Variants in PMPCB observed in about 807,000 individuals in gnomAD.
The protein encoded by PMPCB is mitochondrial-processing peptidase subunit beta.
Under a neutral mutation model 61.5 loss-of-function variants are expected in PMPCB, and 46 were observed. The observed-to-expected ratio is 0.75, with a 90% CI of 0.59 to 0.96. The LOEUF (loss-of-function observed/expected upper bound fraction) is 0.96. PMPCB is among the 40% of genes least tolerant of loss of function. PMPCB has a pLI of 0.00. For synonymous variants in PMPCB, 191 were observed against 201.6 expected, an observed-to-expected ratio of 0.95 and a Z score of 0.44; for missense variants, 590 against 602.4, an observed-to-expected ratio of 0.98 and a Z score of 0.22.
Position 103,325,159 on chromosome 7 carries a change from C to T in PMPCB, c.*1432-3772C>T, listed in dbSNP as rs1053399273. On this transcript the variant is annotated intron_variant and NMD_transcript_variant, in intron 12 of 12. Transcript: ENST00000444457. ...CACCTCAGCACTGCTATAAAACAAACGTGGCCAGGCGCGGTGGCTCATGCC... is the reference window on the plus strand; with the variant it reads ...CACCTCAGCACTGCTATAAAACAAATGTGGCCAGGCGCGGTGGCTCATGCC... Among the ~76,000 whole-genome samples, 11 of 152,068 alleles carry T rather than the reference C, an allele frequency of 7.2e-5. No individual in the cohort carries two copies. The East Asian group carries it at 1.7e-3, about 24-fold the overall frequency.
chr7:103,329,199 G>A, exon 13 of PMPCB: 1 of 292,454 alleles, frequency 3.4e-6, no homozygotes, highest in South Asian at 3.0e-5. Context: ...CATCTACATA[G>A]CAGTTGACAT....
chr7:103,299,310 A>G (rs1817383484), intron 2 of PMPCB, 133 bp from the exon 3 acceptor site: 4 of 604,936 alleles, frequency 6.6e-6, no homozygotes, highest in East Asian at 2.8e-5. Flanking sequence ...GGAATGAACT[A>G]TCAATTCACT....
rs1376981065 is a variant in PMPCB, at chr7:103,307,666, A to G, written c.807A>G (p.Gly269=). The G allele has an allele frequency of 1.2e-6, 2 of 1,613,256 alleles. No individual in the cohort carries two copies. The highest frequency in any genetic ancestry group is 1.7e-6 in the Non-Finnish European group (2 of 1,179,170). The change falls in exon 7 of 13, where the codon GGA becomes GGG. Residue 269 remains glycine, a synonymous_variant. Coordinates refer to ENST00000249269, the MANE Select transcript of PMPCB (RefSeq NM_004279.3). ...HFGDSLCTHK[G]EIPALPPCKF... ...GTGACTCTTTATGCACACACAAAGGAGAAATACCAGCTCTGCCTCCCTGCA... is the reference window on the plus strand; with the variant it reads ...GTGACTCTTTATGCACACACAAAGGGGAAATACCAGCTCTGCCTCCCTGCA...
chr7:103,319,843 G>C, intron 12 of PMPCB: 14 of 1,613,724 alleles, frequency 8.7e-6, no homozygotes, highest in Non-Finnish European at 1.2e-5. Flanking sequence ...ATGATTCCAG[G>C]TCTAAAAGCA....
the PMPCB span, among the ~76,000 whole-genome samples, chr7:103,342,224 C>CT: frequency 2.6e-5 from 4 of 151,820 alleles, no homozygotes; most frequent in African/African-American, 4.8e-5. Flanking sequence ...TAAATCAGTA[C>CT]TTTTTTGGGG....
At position 103,311,908 on chromosome 7, in the gene PMPCB, T is replaced by C. The variant is rs1430428559; in HGVS notation, c.1329+12T>C. ...AAGCAAGAATTGATGTAAGTAGTCC[T>C]GAGTTACTATTGGGTCATGTGTAAA... On this transcript the variant is annotated intron_variant, in intron 11 of 12. Coordinates refer to ENST00000249269, the MANE Select transcript of PMPCB (RefSeq NM_004279.3). 2.6e-6 allele frequency: 4 copies of C among 1,563,974 alleles called. No individual in the cohort carries two copies. The highest frequency in any genetic ancestry group is 3.5e-6 in the Non-Finnish European group (4 of 1,137,752).
chr7:103,340,948 C>A, the PMPCB span, among the ~76,000 whole-genome samples: 2 of 152,202 alleles, frequency 1.3e-5, no homozygotes, highest in Non-Finnish European at 2.9e-5. Flanking sequence ...TTATCCTCAT[C>A]CCAGCATTGG....
At chr7:103,306,166 C>T (rs1194113733) in intron 6 of PMPCB, among the ~76,000 whole-genome samples, 1 of 152,158 alleles carries the variant, frequency 6.6e-6, no homozygotes, top group East Asian at 1.9e-4. Context: ...GGCTAATCAT[C>T]AGGATGTATA....
chr7:103,310,553 T>A, intron 9 of PMPCB, 78 bp downstream of exon 9: 1 of 1,114,986 alleles, frequency 9.0e-7, no homozygotes, highest in Non-Finnish European at 1.3e-6. Flanking sequence ...TACTTTATGG[T>A]GATTTATGGT....
chr7:103,302,669 A>G (rs1817480899), intron 4 of PMPCB, among the ~76,000 whole-genome samples: 2 of 152,246 alleles, frequency 1.3e-5, no homozygotes, highest in African/African-American at 2.4e-5. Context: ...GTATTTGAAC[A>G]TAATCAGTTC....
At chr7:103,333,785 G>C (rs568938193), downstream of PMPCB, among the ~76,000 whole-genome samples, 2 of 152,236 alleles carry the variant, frequency 1.3e-5, no homozygotes, top group South Asian at 2.1e-4. Flanking sequence ...CTCATGGTTT[G>C]AGATTCATCC....
chr7:103,323,793 T>C, intron 12 of PMPCB: 1 of 695,738 alleles, frequency 1.4e-6, no homozygotes, highest in Non-Finnish European at 2.1e-6. Flanking sequence ...AGGTCAAGTC[T>C]TTCTCCTTTT....
the PMPCB span, among the ~76,000 whole-genome samples, chr7:103,340,087 C>T: frequency 2.4e-4 from 36 of 152,242 alleles, no homozygotes; most frequent in African/African-American, 8.4e-4. Flanking sequence ...ATCTGCCCGC[C>T]TCAGCCTCCC....
intron 12 of PMPCB, chr7:103,326,775 G>A: frequency 7.7e-7 from 1 of 1,297,054 alleles, no homozygotes; most frequent in African/African-American, 1.5e-5. Context: ...AAACATAGAA[G>A]TCATTAATTT....
chr7:103,303,773 G>A (rs1244497582), intron 4 of PMPCB, 69 bp from the exon 5 acceptor site: 3 of 1,056,480 alleles, frequency 2.8e-6, no homozygotes, highest in Non-Finnish European at 4.1e-6. Flanking sequence ...TTCTGATTTT[G>A]GTTTAATAGA....
At chr7:103,321,058 TGTG>T (rs1304173071) in intron 12 of PMPCB, among the ~76,000 whole-genome samples, 2 of 149,272 alleles carry the variant, frequency 1.3e-5, no homozygotes, top group African/African-American at 5.0e-5. Flanking sequence ...ATTAGCTGGG[TGTG>T]GTGGTATGCA....
chr7:103,330,902 G>A (rs928167679), downstream of PMPCB, among the ~76,000 whole-genome samples: 3 of 151,606 alleles, frequency 2.0e-5, no homozygotes, highest in African/African-American at 7.3e-5. Context: ...CATGATACAA[G>A]TATCTGTACA....
rs781469983 is a variant in PMPCB, at chr7:103,303,901, C to T, written c.517C>T (p.Arg173Cys). Residue 173 changes from arginine (R) to cysteine (C), a missense_variant, in exon 5 of 13, where the codon CGT (arginine) becomes TGT (cysteine). Coordinates refer to ENST00000249269, the MANE Select transcript of PMPCB (RefSeq NM_004279.3). ...NSTLGEAEIERERGVILREMQ... is the reference protein window; with the variant it reads ...NSTLGEAEIECERGVILREMQ... ...CACATTGGGAGAAGCAGAGATTGAA[C>T]GTGAGCGTGGAGTAATCCTTAGAGA... 22 of 1,613,598 alleles carry T rather than the reference C, an allele frequency of 1.4e-5. No homozygotes were observed. The highest frequency in any genetic ancestry group is 4.4e-5 in the South Asian group (4 of 91,068).
At chr7:103,341,395 C>T in the PMPCB span, among the ~76,000 whole-genome samples, 5 of 152,196 alleles carry the variant, frequency 3.3e-5, no homozygotes, top group Non-Finnish European at 5.9e-5. Context: ...CACCATACCG[C>T]ATGTACCCTA....
Sources: allele counts gnomAD v4.1 joint callset (sites outside exome capture counted in the v4.1 genomes callset), GRCh38; gene constraint gnomAD v4.1.1; transcripts MANE v1.5; gene names NCBI Gene and HGNC (gene_info 2026-07-23, HGNC 2026-07-21).